RASA4: variants seen among roughly 807,000 people sequenced by gnomAD.
RASA4 encodes the protein ras GTPase-activating protein 4.
A neutral mutation model predicts 24.0 loss-of-function variants in RASA4; 5 were observed. The ratio of observed to expected loss-of-function variants is 0.21; its 90% CI spans 0.11 to 0.44. RASA4 has a LOEUF of 0.44. RASA4 is among the 20% of genes least tolerant of loss of function. RASA4 has a pLI of 0.99. For missense variants in RASA4, 38 were observed against 293.0 expected (o/e 0.13, Z 6.35); for synonymous variants, 9 against 132.7 (o/e 0.07, Z 6.41).
At chr7:102,597,644 T>G (rs1790276915) in intron 8 of RASA4, among the ~76,000 whole-genome samples, 3 of 138,018 alleles carry the variant, frequency 2.2e-5, no homozygotes, top group African/African-American at 7.5e-5. Flanking sequence ...CAGGCTGGTC[T>G]TGAACTCCTG....
chr7:102,591,837 ATT>A (rs59364433), intron 16 of RASA4, among the ~76,000 whole-genome samples: 22 of 122,902 alleles, frequency 1.8e-4, no homozygotes, highest in African/African-American at 5.7e-4. Context: ...CTCCATATTC[ATT>A]TTTTTTTTTT....
chr7:102,587,515 G>A (rs1789809480), intron 18 of RASA4, 120 bp downstream of exon 18: 1 of 79,186 alleles, frequency 1.3e-5, no homozygotes, highest in African/African-American at 1.5e-4. Flanking sequence ...GGAGGGGCCA[G>A]CATTCCTTGG....
chr7:102,598,349 C>CAA (rs752931926), intron 8 of RASA4, among the ~76,000 whole-genome samples: 6,760 of 96,920 alleles, frequency 0.07, 893 homozygotes, highest in African/African-American at 0.15. Flanking sequence ...AGATTCTGCT[C>CAA]AAAAAAAAAA....
At chr7:102,606,395 CAA>C (rs555519087) in intron 4 of RASA4, among the ~76,000 whole-genome samples, 13 of 55,498 alleles carry the variant, frequency 2.3e-4, no homozygotes, top group Non-Finnish European at 4.8e-4. Context: ...GACCCCATCT[CAA>C]AAAAAAAAAA....
chr7:102,610,738 C>T (rs932487169), intron 2 of RASA4, among the ~76,000 whole-genome samples: 1 of 149,182 alleles, frequency 6.7e-6, no homozygotes, highest in African/African-American at 2.4e-5. Context: ...CTAATGATAT[C>T]GTATCTCGTT....
chr7:102,602,979 G>A (rs1221351590), intron 5 of RASA4, among the ~76,000 whole-genome samples: 1 of 151,148 alleles, frequency 6.6e-6, no homozygotes, highest in Non-Finnish European at 1.5e-5. Context: ...TTTTTTTTTT[G>A]AGACGGAGTC....
At chr7:102,590,817 G>C (rs1789951738) in intron 16 of RASA4, among the ~76,000 whole-genome samples, 1 of 141,290 alleles carries the variant, frequency 7.1e-6, no homozygotes, top group South Asian at 2.1e-4. Flanking sequence ...GCGCATGCCT[G>C]TAATCCCAGC....
chr7:102,607,964 C>CATTT (rs1192428507), intron 4 of RASA4, among the ~76,000 whole-genome samples: 2 of 136,638 alleles, frequency 1.5e-5, no homozygotes, highest in African/African-American at 5.4e-5. Flanking sequence ...ATTTTTTATT[C>CATTT]ATTTATTTAT....
At chr7:102,590,808 C>T (rs1209820706) in intron 16 of RASA4, among the ~76,000 whole-genome samples, 49 of 141,294 alleles carry the variant, frequency 3.5e-4, no homozygotes, top group Admixed American at 2.8e-3. Flanking sequence ...GGCATGGTGG[C>T]GCATGCCTGT....
At chr7:102,603,698 C>T (rs528951049) in intron 5 of RASA4, among the ~76,000 whole-genome samples, 43 of 151,904 alleles carry the variant, frequency 2.8e-4, no homozygotes, top group African/African-American at 1.0e-3. Flanking sequence ...AGGCTGGGTG[C>T]AGCGGCTCAT....
chr7:102,602,721 C>T (rs1194091968), intron 5 of RASA4, among the ~76,000 whole-genome samples: 2,951 of 113,810 alleles, frequency 0.026, 2 homozygotes, highest in Non-Finnish European at 0.028. Context: ...AGGGAACCGC[C>T]GGGGCAATGT....
intron 8 of RASA4, among the ~76,000 whole-genome samples, chr7:102,597,615 G>A (rs566628702): frequency 3.0e-5 from 4 of 132,298 alleles, no homozygotes; most frequent in South Asian, 3.1e-4. Flanking sequence ...TAGTACAGAC[G>A]GGATTTCACC....
chr7:102,597,784 G>A (rs1340485254), intron 8 of RASA4, among the ~76,000 whole-genome samples: 2,842 of 113,770 alleles, frequency 0.025, 3 homozygotes, highest in African/African-American at 0.082. Context: ...GTGGGATCTC[G>A]GCTCACTGCA....
chr7:102,606,638 C>T (rs1286967246), intron 4 of RASA4, among the ~76,000 whole-genome samples: 207 of 82,740 alleles, frequency 2.5e-3, no homozygotes, highest in Non-Finnish European at 4.4e-3. Flanking sequence ...TGCGCCATTG[C>T]ACTCCAGACT....
chr7:102,598,376 T>TATATA (rs1790326540), intron 8 of RASA4, among the ~76,000 whole-genome samples: 2 of 127,668 alleles, frequency 1.6e-5, no homozygotes, highest in Non-Finnish European at 3.4e-5. Context: ...TATATATATA[T>TATATA]TCACTTTTAT....
intron 18 of RASA4, chr7:102,587,371 A>T (rs1789804890): frequency 4.7e-6 from 2 of 422,396 alleles, no homozygotes; most frequent in African/African-American, 4.9e-5. Context: ...AAGAAGAAAT[A>T]AAAAGAAATG....
intron 16 of RASA4, among the ~76,000 whole-genome samples, chr7:102,590,819 A>T (rs1186407735): frequency 4.9e-5 from 7 of 141,432 alleles, no homozygotes; most frequent in Non-Finnish European, 9.0e-5. Flanking sequence ...GCATGCCTGT[A>T]ATCCCAGCTA....
At chr7:102,603,046 C>T (rs1484810337) in intron 5 of RASA4, among the ~76,000 whole-genome samples, 7 of 145,684 alleles carry the variant, frequency 4.8e-5, no homozygotes, top group East Asian at 2.1e-4. Flanking sequence ...CTGCAACCTC[C>T]GCCTCCTGGG....
intron 16 of RASA4, among the ~76,000 whole-genome samples, chr7:102,590,932 C>G (rs1228948753): frequency 6.8e-6 from 1 of 146,732 alleles, no homozygotes; most frequent in Non-Finnish European, 1.5e-5. Context: ...AAAAGCGAAA[C>G]TCCATCTCAA....
Sources: gnomAD v4.1 joint callset for allele counts (sites outside exome capture counted in the v4.1 genomes callset) on GRCh38, gnomAD v4.1.1 for gene constraint, MANE v1.5 for transcripts, NCBI Gene and HGNC (gene_info 2026-07-23, HGNC 2026-07-21) for gene names.